Variants in GSE1 observed in about 807,000 individuals in gnomAD.
GSE1 encodes genetic suppressor element 1.
GSE1 carries 32 observed loss-of-function variants against 112.6 expected under a neutral mutation model. That is an observed-to-expected ratio of 0.28 (90% CI 0.21 to 0.38). The LOEUF is 0.38. GSE1 is among the 10% of genes least tolerant of loss of function. The pLI is 1.00. For synonymous variants in GSE1, 1,115 were observed against 735.6 expected (o/e 1.52, Z -8.35); for missense variants, 2,348 against 1,699.2 (o/e 1.38, Z -6.71).
chr16:85,634,398 C>G (rs547714789), intron 2 of GSE1, among the ~76,000 whole-genome samples: 2 of 152,310 alleles, frequency 1.3e-5, no homozygotes, highest in East Asian at 3.9e-4. Flanking sequence ...CCGGATGTAG[C>G]GAGGTGCTCC....
intron 2 of GSE1, among the ~76,000 whole-genome samples, chr16:85,635,147 C>T (rs1229775603): frequency 6.6e-6 from 1 of 152,174 alleles, no homozygotes; most frequent in Non-Finnish European, 1.5e-5. Context: ...GCTGGGGGGA[C>T]TTCTCATTTC....
chr16:85,208,768 G>A lies in GSE1; in HGVS notation c.2283+36961G>A, dbSNP rs139445301. ...GCTCTAGATTAGCGGATGGGGGTGG[G>A]GGTGGGGTTCGCCGCGTGTTGGGGT... On this transcript the variant is annotated intron_variant, in intron 1 of 2. Coordinates refer to the GSE1 transcript ENST00000637419. 8.6e-3 allele frequency among the ~76,000 whole-genome samples: 1,310 copies of A among 151,960 alleles called. 12 individuals carry two copies. Among genetic ancestry groups the A allele is most frequent in the Non-Finnish European group, 0.015 (1,000 of 67,940 alleles).
At chr16:85,544,187 T>G (rs928765733) in intron 2 of GSE1, among the ~76,000 whole-genome samples, 58 of 152,136 alleles carry the variant, frequency 3.8e-4, no homozygotes, top group African/African-American at 1.4e-3. Context: ...ATCTCGTGGG[T>G]CGAGGCCGGG....
chr16:85,529,705 G>T (rs77478807), intron 2 of GSE1, among the ~76,000 whole-genome samples: 4,950 of 152,332 alleles, frequency 0.032, 97 homozygotes, highest in Middle Eastern at 0.054. Context: ...GGCCTGTTTG[G>T]GGGTAGGCTA....
chr16:85,645,418 G>T (rs2050772579), intron 2 of GSE1, among the ~76,000 whole-genome samples: 1 of 152,240 alleles, frequency 6.6e-6, no homozygotes, highest in East Asian at 1.9e-4. Flanking sequence ...AGTTGTGCAG[G>T]TTGCACACAA....
intron 1 of GSE1, among the ~76,000 whole-genome samples, chr16:85,301,550 C>T (rs904972149): frequency 1.3e-5 from 2 of 152,260 alleles, no homozygotes; most frequent in African/African-American, 2.4e-5. Context: ...GAAAGAATCC[C>T]GCCAAAGGAA....
At chr16:85,233,653 T>C (rs1262486758) in intron 1 of GSE1, among the ~76,000 whole-genome samples, 2 of 151,280 alleles carry the variant, frequency 1.3e-5, no homozygotes, top group African/African-American at 4.9e-5. Context: ...GGATGGGGGG[T>C]GTGCGTGTGG....
chr16:85,366,790 C>G (rs1450784094), intron 2 of GSE1, among the ~76,000 whole-genome samples: 1 of 152,240 alleles, frequency 6.6e-6, no homozygotes, highest in African/African-American at 2.4e-5. Context: ...ATACACCAAG[C>G]ATTGAATAAA....
chr16:85,213,153 C>T (rs2143674893), intron 1 of GSE1, among the ~76,000 whole-genome samples: 1 of 151,702 alleles, frequency 6.6e-6, no homozygotes, highest in African/African-American at 2.4e-5. Flanking sequence ...CCTGTAGTCC[C>T]AGCTATTTAG....
intron 2 of GSE1, among the ~76,000 whole-genome samples, chr16:85,636,038 C>T (rs1184501689): frequency 3.3e-5 from 5 of 152,238 alleles, no homozygotes; most frequent in South Asian, 4.1e-4. Context: ...TGCCAGAGGC[C>T]GCTGGTCCCC....
Position 85,631,853 on chromosome 16 carries a change from G to A in GSE1, c.8-2061G>A, listed in dbSNP as rs530315428. ...CAGAAGCTGGGTCTGAGCCACAGGC[G>A]CGTTTTCATCGCCTCCAATGGACCC... On this transcript the variant is annotated intron_variant, in intron 1 of 15. Coordinates refer to ENST00000253458, the MANE Select transcript of GSE1 (RefSeq NM_014615.5). Among the ~76,000 whole-genome samples, 562 of 152,390 alleles carry A rather than the reference G, an allele frequency of 3.7e-3. 4 individuals carry two copies. Among genetic ancestry groups the A allele is most frequent in the African/African-American group, 0.012 (488 of 41,602 alleles).
At chr16:85,610,713 C>T (rs921003360), upstream of GSE1, among the ~76,000 whole-genome samples, 4 of 152,148 alleles carry the variant, frequency 2.6e-5, no homozygotes, top group East Asian at 3.9e-4. Flanking sequence ...TCCGGCAGCG[C>T]CTCGCTCCCC....
At chr16:85,521,122 CGTCTTGACTAGT>C (rs373381926) in intron 2 of GSE1, among the ~76,000 whole-genome samples, 122 of 152,328 alleles carry the variant, frequency 8.0e-4, no homozygotes, top group African/African-American at 2.8e-3. Flanking sequence ...GCTGCACCTC[CGTCTTGACTAGT>C]GCTGGGAGGC....
At chr16:85,358,791 C>G (rs1015356895) in intron 2 of GSE1, among the ~76,000 whole-genome samples, 8 of 152,324 alleles carry the variant, frequency 5.3e-5, no homozygotes, top group African/African-American at 1.7e-4. Context: ...CAAAACAGGC[C>G]AGGCAGGGAC....
chr16:85,473,905 C>G (rs913377446), intron 2 of GSE1, among the ~76,000 whole-genome samples: 1 of 151,906 alleles, frequency 6.6e-6, no homozygotes, highest in African/African-American at 2.4e-5. Context: ...ATGACCAGCT[C>G]CGAAAAAAGA....
At chr16:85,398,884 T>C (rs568977372) in intron 2 of GSE1, among the ~76,000 whole-genome samples, 74 of 152,048 alleles carry the variant, frequency 4.9e-4, no homozygotes, top group African/African-American at 1.7e-3. Flanking sequence ...CGCACCGACA[T>C]GTGTGGTATG....
rs974618133 is a variant in GSE1, at chr16:85,305,369, C to T, written c.2284-52094C>T. 3.3e-5 allele frequency among the ~76,000 whole-genome samples: 5 copies of T among 152,200 alleles called. No individual in the cohort carries two copies. In the East Asian group the frequency reaches 9.6e-4, roughly 29 times the overall value. ...GTACAATCATGGCTCCCTGCAGCCT[C>T]GAACTCCTGGGCCCAAGTGATCCCC... On this transcript the variant is annotated intron_variant, in intron 1 of 2. Coordinates refer to the GSE1 transcript ENST00000637419.
At chr16:85,325,971 A>T (rs143999412) in intron 1 of GSE1, among the ~76,000 whole-genome samples, 2,597 of 147,880 alleles carry the variant, frequency 0.018, 75 homozygotes, top group African/African-American at 0.062. Context: ...CTGGTCTCGA[A>T]CTCCTGACCT....
intron 15 of GSE1, 56 bp from the exon 16 acceptor site, chr16:85,672,342 CTCTACAT>C: frequency 7.9e-7 from 1 of 1,271,006 alleles, no homozygotes. Flanking sequence ...CATGTTTGTA[CTCTACAT>C]GCTTGTCCTT....
Sources: gnomAD v4.1 joint callset for allele counts (sites outside exome capture counted in the v4.1 genomes callset) on GRCh38, gnomAD v4.1.1 for gene constraint, MANE v1.5 for transcripts, NCBI Gene and HGNC (gene_info 2026-07-23, HGNC 2026-07-21) for gene names.